NVL: variants seen among roughly 807,000 people sequenced by gnomAD.
The protein encoded by NVL is nuclear VCP like, also known as nuclear valosin-containing protein-like.
In NVL, 84 loss-of-function variants were observed where a neutral mutation model predicts 110.2. The observed-to-expected ratio is 0.76, with a 90% CI of 0.64 to 0.91. NVL has a LOEUF of 0.91. NVL is among the 40% of genes least tolerant of loss of function. The probability of loss-of-function intolerance (pLI) is 0.00; values close to 1 mark genes in which losing one functional copy is unlikely to be tolerated. For missense variants in NVL, 882 were observed against 1,035.9 expected (o/e 0.85, Z 2.04); for synonymous variants, 354 against 361.1 (o/e 0.98, Z 0.22).
intron 19 of NVL, among the ~76,000 whole-genome samples, chr1:224,238,350 G>A (rs1172672445): frequency 6.6e-6 from 1 of 152,110 alleles, no homozygotes; most frequent in East Asian, 1.9e-4. Context: ...TTTTCTTAGT[G>A]TAAAACGTCA....
intron 15 of NVL, 48 bp from the exon 16 acceptor site, chr1:224,281,233 TAATAAC>T (rs766312768): frequency 2.2e-6 from 3 of 1,369,726 alleles, no homozygotes; most frequent in African/African-American, 2.9e-5. Flanking sequence ...TACACAGTAA[TAATAAC>T]AATAATAATG....
At chr1:224,328,760 A>T (rs927954544) in intron 1 of NVL, among the ~76,000 whole-genome samples, 4 of 152,180 alleles carry the variant, frequency 2.6e-5, no homozygotes. Flanking sequence ...TTACTGAGAT[A>T]CAGAACACTA....
At chr1:224,289,969 G>A (rs1411243221) in intron 12 of NVL, among the ~76,000 whole-genome samples, 3 of 152,068 alleles carry the variant, frequency 2.0e-5, no homozygotes, top group East Asian at 1.9e-4. Flanking sequence ...GTGCTGTGAC[G>A]AATACATAGA....
At chr1:224,275,584 T>G in intron 16 of NVL, 126 bp from the exon 17 acceptor site, 1 of 1,208,910 alleles carries the variant, frequency 8.3e-7, no homozygotes, top group Admixed American at 1.9e-5. Context: ...AGTATCAGAA[T>G]GAACCATATA....
At chr1:224,283,344 G>T (rs1181941160) in intron 15 of NVL, among the ~76,000 whole-genome samples, 2 of 152,130 alleles carry the variant, frequency 1.3e-5, no homozygotes, top group East Asian at 3.9e-4. Context: ...AAAATTAGCT[G>T]GGCATGGTGG....
intron 12 of NVL, among the ~76,000 whole-genome samples, chr1:224,290,789 G>A (rs1222938749): frequency 1.1e-4 from 16 of 143,564 alleles, no homozygotes; most frequent in Non-Finnish European, 2.4e-4. Context: ...GCAACAGAGC[G>A]AGACTCTGTC....
At chr1:224,285,303 C>T (rs866254533) in intron 15 of NVL, among the ~76,000 whole-genome samples, 3 of 151,994 alleles carry the variant, frequency 2.0e-5, no homozygotes, top group African/African-American at 4.8e-5. Flanking sequence ...GGCGTGGTGG[C>T]GTATGCCTGT....
At chr1:224,304,948 G>T (rs921691177) in intron 7 of NVL, 86 bp downstream of exon 7, 3 of 1,549,714 alleles carry the variant, frequency 1.9e-6, no homozygotes, top group Non-Finnish European at 2.6e-6. Context: ...CACATAGAAG[G>T]TCCCTCAAGC....
At chr1:224,330,009 G>C in intron 1 of NVL, 62 bp downstream of exon 1, 1 of 1,521,214 alleles carries the variant, frequency 6.6e-7, no homozygotes, top group Admixed American at 1.7e-5. Context: ...GACAAAAGGG[G>C]AGTGGCACCC....
intron 6 of NVL, chr1:224,305,367 A>C (rs879734264): frequency 1.1e-5 from 6 of 534,352 alleles, no homozygotes; most frequent in Non-Finnish European, 1.6e-5. Context: ...CTCAGTTTAA[A>C]TCTTAACATT....
chr1:224,277,063 G>C (rs1248176174), intron 16 of NVL, among the ~76,000 whole-genome samples: 1 of 151,792 alleles, frequency 6.6e-6, no homozygotes, highest in Non-Finnish European at 1.5e-5. Context: ...TGCTCTTAAA[G>C]TACTTTGTAT....
At chr1:224,317,840 A>T in intron 3 of NVL, 38 bp downstream of exon 3, 1 of 1,539,056 alleles carries the variant, frequency 6.5e-7, no homozygotes, top group Non-Finnish European at 8.9e-7. Context: ...TCGTTTGTAT[A>T]ACTTTATTGA....
chr1:224,317,703 TCTTCAC>T lies in NVL; in HGVS notation c.269_274del (p.Gly90_Glu91del). Reference sequence around the variant, plus strand: ...CATTTGGTATACTTACTCATTATCCTCTTCACCTTGTCTTGCCCTTTTTGCCAAATG... The same window carrying T: ...CATTTGGTATACTTACTCATTATCCTCTTGTCTTGCCCTTTTTGCCAAATG... On this transcript the variant is annotated inframe_deletion, in exon 4 of 23. Coordinates refer to ENST00000281701, the MANE Select transcript of NVL (RefSeq NM_002533.4). 6.3e-7 allele frequency: 1 copy of T among 1,590,484 alleles called. No individual in the cohort carries two copies. The highest frequency in any genetic ancestry group is 8.6e-7 in the Non-Finnish European group (1 of 1,159,056).
chr1:224,329,712 C>T (rs1224187988), intron 1 of NVL, among the ~76,000 whole-genome samples: 1 of 152,198 alleles, frequency 6.6e-6, no homozygotes, highest in Non-Finnish European at 1.5e-5. Flanking sequence ...TCAAGGACCT[C>T]TTACAATGCG....
chr1:224,274,053 C>CACACACACACACACAT (rs1198404542), intron 17 of NVL, among the ~76,000 whole-genome samples: 3 of 151,100 alleles, frequency 2.0e-5, no homozygotes, highest in Non-Finnish European at 4.4e-5. Context: ...CACACACACA[C>CACACACACACACACAT]ACACACCCAT....
At chr1:224,293,560 T>C (rs551157980) in intron 12 of NVL, among the ~76,000 whole-genome samples, 1 of 152,340 alleles carries the variant, frequency 6.6e-6, no homozygotes, top group East Asian at 1.9e-4. Context: ...GCCATTTCAT[T>C]ACTGGTAACA....
chr1:224,275,541 A>T, intron 16 of NVL, 83 bp from the exon 17 acceptor site: 1 of 1,544,930 alleles, frequency 6.5e-7, no homozygotes, highest in Non-Finnish European at 8.9e-7. Context: ...GTTTTATGTG[A>T]CATAAACTAG....
intron 11 of NVL, among the ~76,000 whole-genome samples, chr1:224,295,402 G>A (rs993897341): frequency 1.3e-5 from 2 of 151,556 alleles, no homozygotes; most frequent in African/African-American, 2.4e-5. Context: ...GAGTTTCACC[G>A]TGTTAACCAG....
rs750286888 is a variant in NVL at position 224,268,101 on chromosome 1, T to C, written c.2115A>G (p.Leu705=). 3.1e-6 allele frequency: 5 copies of C among 1,614,092 alleles called. No homozygotes were observed. In the Admixed American group the frequency reaches 6.7e-5, roughly 22 times the overall value. ...CTTCCAGACCATCCATCTCTGTAAGTAGCTGATTCACCACTCGGACACTTG... is the reference window on the plus strand; with the variant it reads ...CTTCCAGACCATCCATCTCTGTAAGCAGCTGATTCACCACTCGGACACTTG... ...TGASVRVVNQ[L]LTEMDGLEAR... is the part of the protein sequence containing the mutation. Residue 705 remains leucine (L), a synonymous_variant, in exon 18 of 23, where the codon CTA becomes CTG. Transcript: ENST00000281701.
Sources: gnomAD v4.1 joint callset for allele counts (sites outside exome capture counted in the v4.1 genomes callset) on GRCh38, gnomAD v4.1.1 for gene constraint, MANE v1.5 for transcripts, NCBI Gene and HGNC (gene_info 2026-07-23, HGNC 2026-07-21) for gene names.